ADAMTS3: variants seen among roughly 807,000 people sequenced by gnomAD.
The protein encoded by ADAMTS3 is A disintegrin and metalloproteinase with thrombospondin motifs 3.
Under a neutral mutation model 129.0 loss-of-function variants are expected in ADAMTS3, and 73 were observed. The observed-to-expected ratio is 0.57, with a 90% CI of 0.47 to 0.69. The LOEUF is 0.69. Among genes scored for constraint, ADAMTS3 ranks in the 30% least tolerant of loss-of-function variants. ADAMTS3 has a pLI of 0.00. For missense variants in ADAMTS3, 1,457 were observed against 1,514.5 expected, an observed-to-expected ratio of 0.96 and a Z score of 0.63; for synonymous variants, 477 against 510.8, an observed-to-expected ratio of 0.93 and a Z score of 0.89.
At chr4:72,415,013 C>T in intron 3 of ADAMTS3, 42 bp from the exon 4 acceptor site, 1 of 1,310,664 alleles carries the variant, frequency 7.6e-7, no homozygotes, top group Non-Finnish European at 1.0e-6. Context: ...AAAGAAATAT[C>T]TATCATCTTC....
intron 3 of ADAMTS3, among the ~76,000 whole-genome samples, chr4:72,541,520 C>T (rs969341874): frequency 1.3e-5 from 2 of 152,230 alleles, no homozygotes; most frequent in Admixed American, 6.5e-5. Context: ...TGAGATTTGG[C>T]GGAGGCCAGG....
At chr4:72,410,483 C>A (rs1357971043) in intron 4 of ADAMTS3, among the ~76,000 whole-genome samples, 1 of 152,136 alleles carries the variant, frequency 6.6e-6, no homozygotes, top group Non-Finnish European at 1.5e-5. Flanking sequence ...ATTACTTTAA[C>A]ACAAAGCTTC....
chr4:72,568,537 C>G (rs1259945962), intron 1 of ADAMTS3, among the ~76,000 whole-genome samples, 157 bp downstream of exon 1: 1 of 152,044 alleles, frequency 6.6e-6, no homozygotes, highest in Non-Finnish European at 1.5e-5. Context: ...AAAGCCCGCA[C>G]GCTGCGCCCA....
At chr4:72,408,580 G>A (rs1722107668) in intron 4 of ADAMTS3, among the ~76,000 whole-genome samples, 1 of 151,748 alleles carries the variant, frequency 6.6e-6, no homozygotes, top group East Asian at 1.9e-4. Context: ...AATATATTCA[G>A]CACCTGAGTT....
chr4:72,430,847 GA>G (rs1722680611), intron 3 of ADAMTS3, among the ~76,000 whole-genome samples: 1 of 149,948 alleles, frequency 6.7e-6, no homozygotes, highest in Non-Finnish European at 1.5e-5. Flanking sequence ...AAAACTCAAG[GA>G]AAAAGTCTGG....
intron 4 of ADAMTS3, among the ~76,000 whole-genome samples, chr4:72,370,680 G>A (rs1405972919): frequency 6.6e-6 from 1 of 152,134 alleles, no homozygotes; most frequent in African/African-American, 2.4e-5. Context: ...AACCCAGGAG[G>A]CAGAGGTTGC....
rs942136883 is a variant in ADAMTS3 at position 72,313,937 on chromosome 4, G to A, written c.1600-115C>T. On this transcript the variant is annotated intron_variant, in intron 11 of 21. Coordinates refer to ENST00000286657, the MANE Select transcript of ADAMTS3 (RefSeq NM_014243.3). ...CTTACTGCTCTTTTTTCTTCCAGGTGGAGATGCATTTAAAATTATCCAAAA... is the reference window on the plus strand; with the variant it reads ...CTTACTGCTCTTTTTTCTTCCAGGTAGAGATGCATTTAAAATTATCCAAAA... 3.1e-5 allele frequency: 37 copies of A among 1,178,068 alleles called. No homozygotes were observed. The African/African-American group carries it at 5.7e-4, about 18-fold the overall frequency. The allele number at this position is 1,178,068 out of a possible 1,614,324, so 73.0% of individuals were successfully genotyped here. A position where few individuals can be genotyped will look rare whatever the true frequency, so the allele number is the denominator to read the frequency against.
intron 2 of ADAMTS3, among the ~76,000 whole-genome samples, chr4:72,564,444 G>A (rs576176179): frequency 1.2e-3 from 189 of 152,124 alleles, no homozygotes; most frequent in Middle Eastern, 3.4e-3. Flanking sequence ...TCCCTGATAC[G>A]CCCTAGAAGT....
chr4:72,474,800 G>A (rs1719180948), intron 3 of ADAMTS3, among the ~76,000 whole-genome samples: 2 of 151,970 alleles, frequency 1.3e-5, no homozygotes, highest in Non-Finnish European at 1.5e-5. Flanking sequence ...GCCGAGGCGG[G>A]TGGATCACGA....
intron 4 of ADAMTS3, among the ~76,000 whole-genome samples, chr4:72,359,275 T>A (rs934939623): frequency 2.6e-5 from 4 of 152,060 alleles, no homozygotes; most frequent in African/African-American, 9.7e-5. Context: ...TGTCCTTGAT[T>A]AGCTTGCTTC....
In ADAMTS3 at chr4:72,418,304, T is replaced by G. The variant is rs553036349; in HGVS notation, c.505-3333A>C. Among the ~76,000 whole-genome samples the G allele has an allele frequency of 4.6e-5, 7 of 152,208 alleles. No individual in the cohort carries two copies. In the South Asian group the frequency reaches 1.5e-3, roughly 32 times the overall value. The stretch of plus-strand genomic sequence containing the variant: ...TGTCCACATGATCTACATATTCACA[T>G]AGTGTGGCAGCCAAAATTGCCCTTT... On this transcript the variant is annotated intron_variant, in intron 3 of 21. Coordinates refer to ENST00000286657, the MANE Select transcript of ADAMTS3 (RefSeq NM_014243.3).
chr4:72,568,996 CAG>C lies in ADAMTS3; in HGVS notation c.-236_-235del. On this transcript the variant is annotated 5_prime_UTR_variant, in exon 1 of 22. Coordinates refer to ENST00000286657, the MANE Select transcript of ADAMTS3 (RefSeq NM_014243.3). ...ACCTTCTCACCCCGTCCTCCCAACA[CAG>C]AGTGTGCAGGAGCGAGAAGGTGCTG... 2 of 591,292 alleles carry C rather than the reference CAG, an allele frequency of 3.4e-6. No individual in the cohort carries two copies. Among genetic ancestry groups the C allele is most frequent in the Middle Eastern group, 4.6e-4 (1 of 2,162 alleles). The allele number at this position is 591,292 out of a possible 1,614,324, so 36.6% of individuals were successfully genotyped here. A position where few individuals can be genotyped will look rare whatever the true frequency, so the allele number is the denominator to read the frequency against.
intron 5 of ADAMTS3, among the ~76,000 whole-genome samples, chr4:72,323,974 T>C (rs868490576): frequency 3.8e-4 from 58 of 152,108 alleles, no homozygotes; most frequent in African/African-American, 1.3e-3. Context: ...TATCTTCTCA[T>C]TAACCTAGTG....
intron 5 of ADAMTS3, among the ~76,000 whole-genome samples, chr4:72,332,187 C>T (rs1442109940): frequency 6.6e-6 from 1 of 152,150 alleles, no homozygotes; most frequent in Admixed American, 6.5e-5. Flanking sequence ...GTATACTTTC[C>T]AGATAAATCT....
intron 3 of ADAMTS3, among the ~76,000 whole-genome samples, chr4:72,419,993 T>A (rs947684527): frequency 2.0e-5 from 3 of 151,632 alleles, no homozygotes; most frequent in Non-Finnish European, 2.9e-5. Context: ...AAAATAACAG[T>A]CCAGATAGCA....
At chr4:72,408,687 A>C (rs1722110365) in intron 4 of ADAMTS3, among the ~76,000 whole-genome samples, 1 of 135,984 alleles carries the variant, frequency 7.4e-6, no homozygotes, top group Non-Finnish European at 1.6e-5. Flanking sequence ...AAAGTTTATA[A>C]ATCATTGTAC....
Position 72,411,778 on chromosome 4 carries a change from T to C in ADAMTS3, c.661+3037A>G, listed in dbSNP as rs886547330. Among the ~76,000 whole-genome samples, 8 of 152,248 alleles carry C rather than the reference T, an allele frequency of 5.3e-5. No individual in the cohort carries two copies. In the East Asian group the frequency reaches 1.5e-3, roughly 29 times the overall value. ...TTTCTCATTTTATATACCTGAATTC[T>C]GGAAAGAGAATTCTCTAGTCTTCTA... On this transcript the variant is annotated intron_variant, in intron 4 of 21. Coordinates refer to ENST00000286657, the MANE Select transcript of ADAMTS3 (RefSeq NM_014243.3).
At chr4:72,317,113 AAAC>A in intron 10 of ADAMTS3, among the ~76,000 whole-genome samples, 1 of 152,314 alleles carries the variant, frequency 6.6e-6, no homozygotes, top group South Asian at 2.1e-4. Context: ...TAAAAATATC[AAAC>A]AACAGCTAAT....
intron 4 of ADAMTS3, 95 bp from the exon 5 acceptor site, chr4:72,339,788 G>C (rs1720088588): frequency 1.0e-6 from 1 of 955,264 alleles, no homozygotes; most frequent in Admixed American, 2.1e-5. Flanking sequence ...GGGCCTATCA[G>C]TATCATTCAT....
Sources: gnomAD v4.1 joint callset for allele counts (sites outside exome capture counted in the v4.1 genomes callset) on GRCh38, gnomAD v4.1.1 for gene constraint, MANE v1.5 for transcripts, NCBI Gene and HGNC (gene_info 2026-07-23, HGNC 2026-07-21) for gene names.